Variants in MAN2B1 observed in about 807,000 individuals in gnomAD.
MAN2B1 encodes lysosomal alpha-mannosidase.
Under a neutral mutation model 127.5 loss-of-function variants are expected in MAN2B1, and 99 were observed. That is an observed-to-expected ratio of 0.78 (90% CI 0.66 to 0.92). The LOEUF (loss-of-function observed/expected upper bound fraction) is 0.92, where lower values mean the gene tolerates loss of function less well. Ranked by LOEUF, MAN2B1 falls within the 40% of genes least tolerant of loss-of-function variation. The pLI is 0.00. For synonymous variants in MAN2B1, 573 were observed against 568.8 expected (o/e 1.01, Z -0.11); for missense variants, 1,304 against 1,384.8 (o/e 0.94, Z 0.93).
At chr19:12,662,598 C>T (rs895588732) in intron 6 of MAN2B1, among the ~76,000 whole-genome samples, 6 of 151,694 alleles carry the variant, frequency 4.0e-5, no homozygotes, top group South Asian at 4.2e-4. Flanking sequence ...CCACTGCACT[C>T]CAGCCTGGGC....
chr19:12,648,471 G>T (rs1368108414), intron 20 of MAN2B1, 69 bp from the exon 21 acceptor site: 5 of 1,135,580 alleles, frequency 4.4e-6, no homozygotes, highest in Non-Finnish European at 6.5e-6. Context: ...CAGAAACTGG[G>T]TAAGGGCGTG....
chr19:12,647,603 G>A lies in MAN2B1; in HGVS notation c.2665-5C>T, dbSNP rs1555706187. On this transcript the variant is annotated splice_polypyrimidine_tract_variant and splice_region_variant and intron_variant, in intron 21 of 23. Coordinates refer to ENST00000456935, the MANE Select transcript of MAN2B1 (RefSeq NM_000528.4). This position sits in a 1 kb window ranked among gnomAD's most constrained non-coding sequence, Gnocchi z 4.9. ...GTCCCTGCGCAGCCCTGAGAACTGC[G>A]GGAGAGAGGGCGGGGCTGAGTTGGA... is the stretch of plus-strand genomic sequence containing the variant. 12 of 1,610,912 alleles carry A rather than the reference G, an allele frequency of 7.4e-6. No individual in the cohort carries two copies. The highest frequency in any genetic ancestry group is 3.3e-5 in the Admixed American group (2 of 59,932).
intron 20 of MAN2B1, among the ~76,000 whole-genome samples, chr19:12,648,667 T>C (rs2023762753): frequency 6.6e-6 from 1 of 151,896 alleles, no homozygotes; most frequent in African/African-American, 2.4e-5. Context: ...GGGCAGGAGA[T>C]GGAGAAAAAC....
At chr19:12,662,565 G>A (rs760246197) in intron 6 of MAN2B1, among the ~76,000 whole-genome samples, 4 of 152,164 alleles carry the variant, frequency 2.6e-5, no homozygotes, top group Non-Finnish European at 5.9e-5. Context: ...AGTAGGTGGA[G>A]GTTGCAGTGA....
At position 12,655,685 on chromosome 19, in the gene MAN2B1, G is replaced by A. The variant is rs1347363395; in HGVS notation, c.1830+9C>T. 4 of 1,606,596 alleles carry A rather than the reference G, an allele frequency of 2.5e-6. No homozygotes were observed. In the East Asian group the frequency reaches 8.9e-5, roughly 36 times the overall value. On this transcript the variant is annotated intron_variant, in intron 14 of 23. Coordinates refer to ENST00000456935, the MANE Select transcript of MAN2B1 (RefSeq NM_000528.4). ...AGGAGCAGGAAAGGGGATTGAAATG[G>A]GGTCTCACCTCATTTTCGATGGTTA...
intron 21 of MAN2B1, 107 bp downstream of exon 21, chr19:12,648,068 A>C: frequency 6.0e-6 from 7 of 1,167,170 alleles, no homozygotes; most frequent in South Asian, 1.3e-5. Context: ...GTTTGGGGCT[A>C]ATTATGGCCA....
rs755486144 is a variant in MAN2B1 at position 12,657,526 on chromosome 19, C to T, written c.1339G>A (p.Asp447Asn). The change falls in exon 11 of 24, where the codon GAC becomes AAC. Residue 447 changes from aspartate to asparagine, a missense_variant. Physicochemically the swap from Asp to Asn is conservative, Grantham distance 23 (BLOSUM62 1). Coordinates refer to ENST00000456935, the MANE Select transcript of MAN2B1 (RefSeq NM_000528.4). ...NEAMAVLQHH[D>N]AVSGTSRQHV... ...TGGCGGGAGGTGCCGCTGACGGCGT[C>T]GTGATGCTGGAGCACAGCCATCGCC... is the stretch of plus-strand genomic sequence containing the variant. 1 of 1,565,830 alleles carries T rather than the reference C, an allele frequency of 6.4e-7. No individual in the cohort carries two copies. Among genetic ancestry groups the T allele is most frequent in the Non-Finnish European group, 8.7e-7 (1 of 1,155,664 alleles).
chr19:12,655,617 C>A, intron 14 of MAN2B1, 77 bp downstream of exon 14: 1 of 1,473,724 alleles, frequency 6.8e-7, no homozygotes. Context: ...GACCTGCTGA[C>A]CCAGAGTCCA....
intron 14 of MAN2B1, 76 bp from the exon 15 acceptor site, chr19:12,652,536 C>CTTTTTTTT (rs71168621): frequency 2.6e-6 from 2 of 779,738 alleles, no homozygotes; most frequent in Middle Eastern, 3.7e-4. Context: ...TTTCTTTTTT[C>CTTTTTTTT]TTTTTTTTTT....
chr19:12,652,247 T>C lies in MAN2B1; in HGVS notation c.1952A>G (p.Asn651Ser), dbSNP rs747459989. The C allele has an allele frequency of 6.8e-6, 11 of 1,614,038 alleles. No individual in the cohort carries two copies. The highest frequency in any genetic ancestry group is 9.3e-6 in the Non-Finnish European group (11 of 1,180,026). Residue 651 changes from asparagine (N) to serine (S), a missense_variant, in exon 16 of 24, where the codon AAC becomes AGC. Asn to Ser is a conservative substitution (Grantham distance 46). Coordinates refer to ENST00000456935, the MANE Select transcript of MAN2B1 (RefSeq NM_000528.4). ...FFWYNASIGD[N>S]ESDQASGAYI... Reference sequence around the variant, plus strand: ...GGCACCTGAGGCCTGGTCACTTTCGTTGTCACCTATACTGGCGTTGTACCT... The same window carrying C: ...GGCACCTGAGGCCTGGTCACTTTCGCTGTCACCTATACTGGCGTTGTACCT...
chr19:12,658,576 C>T, intron 7 of MAN2B1, 66 bp from the exon 8 acceptor site: 3 of 1,310,186 alleles, frequency 2.3e-6, no homozygotes, highest in South Asian at 1.2e-5. Context: ...CACACTTCCA[C>T]ACATGTGTGC....
At chr19:12,661,137 T>A (rs2024092301) in intron 7 of MAN2B1, 123 bp downstream of exon 7, 2 of 770,084 alleles carry the variant, frequency 2.6e-6, no homozygotes, top group Non-Finnish European at 4.7e-6. Context: ...GGTCATTTGT[T>A]ATAGAATGAC....
chr19:12,650,325 C>G, intron 16 of MAN2B1, 103 bp from the exon 17 acceptor site: 1 of 762,252 alleles, frequency 1.3e-6, no homozygotes, highest in Non-Finnish European at 2.4e-6. Flanking sequence ...AGGCCTACAT[C>G]AAGGTCAACC....
chr19:12,647,132 C>T lies in MAN2B1; in HGVS notation c.2923+101G>A. The T allele has an allele frequency of 8.6e-7, 1 of 1,167,710 alleles. No individual in the cohort carries two copies. Among genetic ancestry groups the T allele is most frequent in the Admixed American group, 1.7e-5 (1 of 59,070 alleles). The allele number at this position is 1,167,710 out of a possible 1,614,324, so 72.3% of individuals were successfully genotyped here. Reference sequence around the variant, plus strand: ...GGACTCTGCCCCATACCCTCATGACCTTTTTGGGTCCTGGCCAACATCCCA... The same window carrying T: ...GGACTCTGCCCCATACCCTCATGACTTTTTTGGGTCCTGGCCAACATCCCA... On this transcript the variant is annotated intron_variant, in intron 23 of 23. Coordinates refer to ENST00000456935, the MANE Select transcript of MAN2B1 (RefSeq NM_000528.4). The surrounding 1 kb of genome is among the most constrained non-coding windows in gnomAD (Gnocchi z 4.9).
At chr19:12,657,825 G>A (rs1283197887) in intron 10 of MAN2B1, 2 of 610,248 alleles carry the variant, frequency 3.3e-6, no homozygotes, top group Non-Finnish European at 5.8e-6. Context: ...CGTGGTGGTG[G>A]GCGCCTGTAG....
rs1057517108 is a variant in MAN2B1 at position 12,663,694 on chromosome 19, GCCCCCTA to G, written c.763+2_763+8del. ...CCATGGCTGGCCCTGCCCTCACCAA[GCCCCCTA>G]CCAGTGAAGAGGTCCGCGGTCGGGG... On this transcript the variant is annotated splice_donor_variant and splice_donor_5th_base_variant and intron_variant, in intron 5 of 23. Coordinates refer to ENST00000456935, the MANE Select transcript of MAN2B1 (RefSeq NM_000528.4). LOFTEE classifies it high-confidence loss of function. 5 of 1,605,642 alleles carry G rather than the reference GCCCCCTA, an allele frequency of 3.1e-6. No homozygotes were observed. The highest frequency in any genetic ancestry group is 4.3e-6 in the Non-Finnish European group (5 of 1,176,450).
rs548627898 is a variant in MAN2B1, at chr19:12,655,264, G to A, written c.1830+430C>T. ...GTTCACCCTGCTTCAGCCACACTGA[G>A]CTCCTTGTGGCTCCTGGAATTCTGC... On this transcript the variant is annotated intron_variant, in intron 14 of 23. Coordinates refer to ENST00000456935, the MANE Select transcript of MAN2B1 (RefSeq NM_000528.4). Among the ~76,000 whole-genome samples the A allele has an allele frequency of 1.5e-3, 235 of 152,294 alleles. 1 individual carries two copies. The highest frequency in any genetic ancestry group is 5.5e-3 in the African/African-American group (227 of 41,570).
chr19:12,665,917 T>C, intron 1 of MAN2B1, 112 bp from the exon 2 acceptor site: 5 of 819,372 alleles, frequency 6.1e-6, no homozygotes, highest in Admixed American at 3.9e-5. Flanking sequence ...ATCTCGCCTA[T>C]GTGCAGAGGA....
chr19:12,656,471 G>A, intron 13 of MAN2B1, 100 bp downstream of exon 13: 1 of 797,826 alleles, frequency 1.3e-6, no homozygotes. Flanking sequence ...ATGCATGAGT[G>A]GGAGGTATTC....
Sources: allele counts gnomAD v4.1 joint callset (sites outside exome capture counted in the v4.1 genomes callset), GRCh38; gene constraint gnomAD v4.1.1; non-coding constraint Gnocchi (gnomAD v3.1); transcripts MANE v1.5; gene names NCBI Gene and HGNC (gene_info 2026-07-23, HGNC 2026-07-21).